PDE11A: variants seen among roughly 807,000 people sequenced by gnomAD.
The protein encoded by PDE11A is dual 3',5'-cyclic-AMP and -GMP phosphodiesterase 11A.
A neutral mutation model predicts 100.5 loss-of-function variants in PDE11A; 100 were observed. The ratio of observed to expected loss-of-function variants is 1.00; its 90% CI spans 0.85 to 1.18. The LOEUF (loss-of-function observed/expected upper bound fraction) is 1.18. Ranked by LOEUF, PDE11A falls within the 50% of genes most tolerant of loss-of-function variation. The pLI, the probability that PDE11A is intolerant of heterozygous loss-of-function variation, is 0.00. For missense variants in PDE11A, 1,141 were observed against 1,152.6 expected (o/e 0.99, Z 0.15); for synonymous variants, 381 against 420.8 (o/e 0.91, Z 1.16).
At chr2:177,783,224 C>T (rs1296846132) in intron 9 of PDE11A, among the ~76,000 whole-genome samples, 1 of 152,166 alleles carries the variant, frequency 6.6e-6, no homozygotes. Flanking sequence ...ATAATCTGTA[C>T]AATATCAAGA....
chr2:178,044,167 GA>G (rs2086716091), intron 1 of PDE11A, among the ~76,000 whole-genome samples: 2 of 151,902 alleles, frequency 1.3e-5, no homozygotes, highest in African/African-American at 4.8e-5. Context: ...AAACATAGAA[GA>G]AATAAAATAT....
chr2:177,681,825 C>T (rs532926401), intron 15 of PDE11A, among the ~76,000 whole-genome samples: 16 of 152,176 alleles, frequency 1.1e-4, no homozygotes, highest in Non-Finnish European at 2.1e-4. Flanking sequence ...ACAAAGCAGA[C>T]ACTTTGTAGC....
intron 19 of PDE11A, among the ~76,000 whole-genome samples, chr2:177,645,745 C>T (rs1327138292): frequency 6.6e-6 from 1 of 152,124 alleles, no homozygotes; most frequent in Non-Finnish European, 1.5e-5. Context: ...AAGAATAATT[C>T]AGATTTGCAG....
chr2:177,785,136 T>C (rs376753718), intron 9 of PDE11A, among the ~76,000 whole-genome samples: 1 of 152,332 alleles, frequency 6.6e-6, no homozygotes, highest in Non-Finnish European at 1.5e-5. Flanking sequence ...CCTGTAACCT[T>C]GGCCTAATTA....
rs375718127 is a variant in PDE11A, at chr2:177,827,161, C to T, written c.1501-6866G>A. Among the ~76,000 whole-genome samples, 286 of 152,228 alleles carry T rather than the reference C, an allele frequency of 1.9e-3. 2 individuals carry two copies. The highest frequency in any genetic ancestry group is 6.4e-3 in the African/African-American group (267 of 41,524). ...CCTGGAGCCCCATTATCCTTAAGTG[C>T]TACATGACGAGGATAAGTAATATTG... is the stretch of plus-strand genomic sequence containing the variant. On this transcript the variant is annotated intron_variant, in intron 6 of 19. Coordinates refer to ENST00000286063, the MANE Select transcript of PDE11A (RefSeq NM_016953.4).
chr2:177,658,535 C>T (rs2080425446), intron 19 of PDE11A, among the ~76,000 whole-genome samples: 1 of 151,410 alleles, frequency 6.6e-6, no homozygotes, highest in South Asian at 2.1e-4. Context: ...TCCCTACATT[C>T]CTCCCTTCCT....
intron 1 of PDE11A, among the ~76,000 whole-genome samples, chr2:178,014,981 A>G (rs569767022): frequency 6.6e-6 from 1 of 152,328 alleles, no homozygotes; most frequent in African/African-American, 2.4e-5. Context: ...CAGCTAAAAT[A>G]TATAAAATAA....
At chr2:177,862,647 A>G (rs2083963025) in intron 5 of PDE11A, among the ~76,000 whole-genome samples, 3 of 151,928 alleles carry the variant, frequency 2.0e-5, no homozygotes, top group Admixed American at 1.3e-4. Context: ...AGATCTGTAC[A>G]CTGAAAACTA....
rs2105420577 is a variant in PDE11A at position 177,624,008 on chromosome 2, G to A, written c.*5399C>T. 6.6e-6 allele frequency: 1 copy of A among 152,248 alleles called. No individual in the cohort carries two copies. Among genetic ancestry groups the A allele is most frequent in the African/African-American group, 2.4e-5 (1 of 41,550 alleles). The allele number at this position is 152,248 out of a possible 1,614,324, so 9.4% of individuals were successfully genotyped here. The stretch of plus-strand genomic sequence containing the variant: ...CTCATTTTATTTCTGCCCTCTATAT[G>A]TTTTATTCTATTATTCTTCACTTAG... On this transcript the variant is annotated 3_prime_UTR_variant, in exon 20 of 20. Transcript: ENST00000286063.
intron 9 of PDE11A, among the ~76,000 whole-genome samples, chr2:177,800,728 G>A (rs200942115): frequency 0.018 from 2,757 of 152,294 alleles, 83 homozygotes; most frequent in African/African-American, 0.063. Context: ...ACTGAGACCT[G>A]ATGGGGGGAA....
chr2:178,083,603 A>G lies in PDE11A; in HGVS notation c.162+20699T>C, dbSNP rs189944597. On this transcript the variant is annotated intron_variant, in intron 2 of 20. Transcript: ENST00000358450. The stretch of plus-strand genomic sequence containing the variant: ...CAGTCATATAGATCCAAAGACCCCT[A>G]CCAGAAAGTGTCTGAATTACCTTTT... 1.4e-3 allele frequency among the ~76,000 whole-genome samples: 215 copies of G among 152,314 alleles called. 1 individual carries two copies. Among genetic ancestry groups the G allele is most frequent in the African/African-American group, 4.9e-3 (205 of 41,578 alleles).
intron 5 of PDE11A, among the ~76,000 whole-genome samples, chr2:177,858,730 G>A (rs1296587222): frequency 6.6e-6 from 1 of 152,126 alleles, no homozygotes; most frequent in East Asian, 1.9e-4. Flanking sequence ...ATTTGACCCA[G>A]CCATCCCATT....
chr2:177,869,219 C>T (rs1057185524), intron 5 of PDE11A, among the ~76,000 whole-genome samples: 1 of 152,212 alleles, frequency 6.6e-6, no homozygotes, highest in African/African-American at 2.4e-5. Flanking sequence ...TTTATTATCT[C>T]AGAGGGCTGG....
At chr2:177,726,230 C>T (rs2081597952) in intron 12 of PDE11A, among the ~76,000 whole-genome samples, 1 of 152,068 alleles carries the variant, frequency 6.6e-6, no homozygotes, top group Non-Finnish European at 1.5e-5. Flanking sequence ...GCCAGTCTGC[C>T]TGTTTATTAA....
chr2:177,697,950 G>T (rs968743403), intron 14 of PDE11A, among the ~76,000 whole-genome samples: 1 of 152,152 alleles, frequency 6.6e-6, no homozygotes, highest in Admixed American at 6.5e-5. Context: ...CTTTAGCAAG[G>T]TCTAGTGACA....
chr2:177,903,982 G>A (rs1042577955), intron 3 of PDE11A, among the ~76,000 whole-genome samples: 1 of 152,146 alleles, frequency 6.6e-6, no homozygotes. Context: ...GGCTATATTA[G>A]TCAACTATGT....
chr2:177,968,474 C>T lies in PDE11A; in HGVS notation c.1071+45828G>A, dbSNP rs567078390. Among the ~76,000 whole-genome samples the T allele has an allele frequency of 2.5e-4, 38 of 152,218 alleles. No homozygotes were observed. In the South Asian group the frequency reaches 6.0e-3, roughly 24 times the overall value. ...AGCAAACTAAAGAAAATTTGTAATT[C>T]TGATGTTCTTCTAAGTGATGCTCAC... On this transcript the variant is annotated intron_variant, in intron 2 of 19. Coordinates refer to ENST00000286063, the MANE Select transcript of PDE11A (RefSeq NM_016953.4).
At chr2:177,657,216 G>C (rs369205370) in intron 19 of PDE11A, among the ~76,000 whole-genome samples, 10 of 152,206 alleles carry the variant, frequency 6.6e-5, no homozygotes, top group Admixed American at 2.6e-4. Flanking sequence ...AGATAAACAG[G>C]CTTTACTATC....
intron 9 of PDE11A, among the ~76,000 whole-genome samples, chr2:177,798,555 C>G (rs985624716): frequency 6.6e-6 from 1 of 152,112 alleles, no homozygotes; most frequent in Non-Finnish European, 1.5e-5. Flanking sequence ...CATAGACTCC[C>G]CTGCAGACTA....
Sources: allele counts gnomAD v4.1 joint callset (sites outside exome capture counted in the v4.1 genomes callset), GRCh38; gene constraint gnomAD v4.1.1; transcripts MANE v1.5; gene names NCBI Gene and HGNC (gene_info 2026-07-23, HGNC 2026-07-21).